Variants in CDC42EP3 observed in about 807,000 individuals in gnomAD.
CDC42EP3 encodes the protein CDC42 effector protein 3.
Under a neutral mutation model 15.5 loss-of-function variants are expected in CDC42EP3, and 4 were observed. The ratio of observed to expected loss-of-function variants is 0.26; its 90% CI spans 0.13 to 0.59. The LOEUF (loss-of-function observed/expected upper bound fraction) is 0.59. CDC42EP3 is among the 20% of genes least tolerant of loss of function. CDC42EP3 has a pLI of 0.89. For missense variants in CDC42EP3, 309 were observed against 311.2 expected (o/e 0.99, Z 0.05); for synonymous variants, 145 against 130.3 (o/e 1.11, Z -0.77).
At chr2:37,650,521 A>G (rs12474331) in intron 1 of CDC42EP3, among the ~76,000 whole-genome samples, 13,364 of 152,218 alleles carry the variant, frequency 0.088, 1,353 homozygotes, top group East Asian at 0.47. Context: ...AACCCTTGAC[A>G]TGGACTAGCT....
chr2:37,646,301 G>A lies in CDC42EP3; in HGVS notation c.287C>T (p.Thr96Ile). 1 of 1,614,202 alleles carries A rather than the reference G, an allele frequency of 6.2e-7. No individual in the cohort carries two copies. The highest frequency in any genetic ancestry group is 1.3e-5 in the African/African-American group (1 of 75,046). Reference protein sequence around the residue: ...RANSTSDSVFTETPSPVLKNA... With the variant: ...RANSTSDSVFIETPSPVLKNA... ...TTTGAGCACCGGGGAGGGCGTTTCT[G>A]TGAACACAGAGTCCGAGGTGCTGTT... The change falls in exon 2 of 2, where the codon ACA becomes ATA. Residue 96 changes from threonine (T) to isoleucine (I), a missense_variant. Physicochemically the swap from Thr to Ile is moderately conservative, Grantham distance 89. Coordinates refer to ENST00000295324, the MANE Select transcript of CDC42EP3 (RefSeq NM_006449.5).
intron 1 of CDC42EP3, among the ~76,000 whole-genome samples, chr2:37,664,308 T>C (rs1373026249): frequency 6.6e-6 from 1 of 152,226 alleles, no homozygotes. Flanking sequence ...CTTCAGTTTT[T>C]GGACCTGGAC....
Position 37,645,460 on chromosome 2 carries a change from G to C in CDC42EP3, c.*363C>G, listed in dbSNP as rs544131862. ...TTCCTCTTGCTCAGAAAATGTCGGAGTGCTATAAAGTTCCGTGAAGTTCCT... is the reference window on the plus strand; with the variant it reads ...TTCCTCTTGCTCAGAAAATGTCGGACTGCTATAAAGTTCCGTGAAGTTCCT... On this transcript the variant is annotated 3_prime_UTR_variant, in exon 2 of 2. Coordinates refer to ENST00000295324, the MANE Select transcript of CDC42EP3 (RefSeq NM_006449.5). 1.2e-5 allele frequency: 2 copies of C among 169,180 alleles called. No homozygotes were observed. Among genetic ancestry groups the C allele is most frequent in the East Asian group, 3.4e-4 (2 of 5,900 alleles). 10.5% of individuals were successfully genotyped at this position (169,180 alleles called of 1,614,324 possible). A position where few individuals can be genotyped will look rare whatever the true frequency, so the allele number is the denominator to read the frequency against.
chr2:37,653,589 T>C (rs1281064444), intron 1 of CDC42EP3, among the ~76,000 whole-genome samples: 1 of 152,098 alleles, frequency 6.6e-6, no homozygotes, highest in Admixed American at 6.6e-5. Context: ...TTTTAAAAAA[T>C]GACAGACAGA....
At chr2:37,658,879 G>C (rs72881315) in intron 1 of CDC42EP3, among the ~76,000 whole-genome samples, 1 of 152,188 alleles carries the variant, frequency 6.6e-6, no homozygotes, top group African/African-American at 2.4e-5. Context: ...CTACACCAGA[G>C]TGAGGTACCT....
intron 1 of CDC42EP3, among the ~76,000 whole-genome samples, chr2:37,650,172 C>T (rs12104720): frequency 1.3e-3 from 203 of 152,242 alleles, no homozygotes; most frequent in African/African-American, 4.7e-3. Flanking sequence ...TCTTCCTCCC[C>T]AGCTCAGGGG....
intron 1 of CDC42EP3, among the ~76,000 whole-genome samples, chr2:37,665,658 T>C (rs1666226961): frequency 6.6e-6 from 1 of 152,152 alleles, no homozygotes; most frequent in Non-Finnish European, 1.5e-5. Flanking sequence ...TGTCTACAAA[T>C]AGGACCTTCA....
At chr2:37,661,130 CGT>C (rs1302753814) in intron 1 of CDC42EP3, among the ~76,000 whole-genome samples, 2 of 125,856 alleles carry the variant, frequency 1.6e-5, no homozygotes, top group African/African-American at 3.1e-5. Flanking sequence ...TGTGTGTGTG[CGT>C]GTGTGTATAG....
chr2:37,672,792 G>A (rs766384344), upstream of CDC42EP3, among the ~76,000 whole-genome samples: 2 of 152,170 alleles, frequency 1.3e-5, no homozygotes, highest in Non-Finnish European at 2.9e-5. Context: ...CGGGTTGGAT[G>A]GAAATCCTGG....
intron 1 of CDC42EP3, among the ~76,000 whole-genome samples, chr2:37,661,067 TATGTATGC>T (rs954091395): frequency 1.3e-4 from 20 of 152,216 alleles, no homozygotes; most frequent in African/African-American, 4.6e-4. Flanking sequence ...GAGTAGTATG[TATGTATGC>T]ATATGTATGT....
chr2:37,661,707 C>T (rs901807983), intron 1 of CDC42EP3, among the ~76,000 whole-genome samples: 1 of 152,136 alleles, frequency 6.6e-6, no homozygotes, highest in African/African-American at 2.4e-5. Context: ...AAGTCATAGC[C>T]ATCTGACGGA....
In CDC42EP3 at chr2:37,657,446, A is replaced by G. The variant is rs1168942558; in HGVS notation, c.-235-10624T>C. Reference sequence around the variant, plus strand: ...CAGGTGGCTGGTGAGCTCAAAAAGAATAAAGTAAGCAAAAGGGCTATACAT... The same window carrying G: ...CAGGTGGCTGGTGAGCTCAAAAAGAGTAAAGTAAGCAAAAGGGCTATACAT... On this transcript the variant is annotated intron_variant, in intron 1 of 1. Transcript: ENST00000295324. Among the ~76,000 whole-genome samples, 3 of 152,342 alleles carry G rather than the reference A, an allele frequency of 2.0e-5. No individual in the cohort carries two copies. The East Asian group carries it at 5.8e-4, about 29-fold the overall frequency.
intron 1 of CDC42EP3, among the ~76,000 whole-genome samples, chr2:37,671,062 A>G (rs1666400385): frequency 1.3e-5 from 2 of 152,244 alleles, no homozygotes; most frequent in African/African-American, 4.8e-5. Flanking sequence ...GTACCAATCC[A>G]TGATGCGAGG....
intron 1 of CDC42EP3, among the ~76,000 whole-genome samples, chr2:37,654,987 A>G (rs1345601140): frequency 6.6e-6 from 1 of 152,256 alleles, no homozygotes; most frequent in African/African-American, 2.4e-5. Context: ...CAGTGTAACC[A>G]GAAGCACCCA....
intron 1 of CDC42EP3, among the ~76,000 whole-genome samples, chr2:37,668,576 A>G (rs773721141): frequency 6.6e-6 from 1 of 152,154 alleles, no homozygotes; most frequent in Non-Finnish European, 1.5e-5. Flanking sequence ...CCATCCCCTT[A>G]ACCCAAAGAG....
chr2:37,661,802 A>G (rs984962202), intron 1 of CDC42EP3, among the ~76,000 whole-genome samples: 1 of 152,188 alleles, frequency 6.6e-6, no homozygotes, highest in Non-Finnish European at 1.5e-5. Context: ...TAAATACGTG[A>G]TAAGTAGGGC....
chr2:37,658,492 C>T (rs1230130243), intron 1 of CDC42EP3, among the ~76,000 whole-genome samples: 1 of 152,134 alleles, frequency 6.6e-6, no homozygotes, highest in Non-Finnish European at 1.5e-5. Context: ...ATTGATTGGC[C>T]TTTCCCTTCC....
At position 37,664,219 on chromosome 2, in the gene CDC42EP3, C is replaced by G. The variant is rs184129089; in HGVS notation, c.-236+7207G>C. ...AAGCAGGCAGAGGAACGTGGAAGGA[C>G]TAGACTTTCTGAGTCTTCTGGCCTT... On this transcript the variant is annotated intron_variant, in intron 1 of 1. Transcript: ENST00000295324. 1.8e-3 allele frequency among the ~76,000 whole-genome samples: 268 copies of G among 152,260 alleles called. 1 individual carries two copies. Among genetic ancestry groups the G allele is most frequent in the Admixed American group, 2.7e-3 (42 of 15,294 alleles).
intron 1 of CDC42EP3, among the ~76,000 whole-genome samples, chr2:37,656,433 T>C (rs771830537): frequency 5.9e-5 from 9 of 152,348 alleles, no homozygotes; most frequent in South Asian, 2.1e-4. Flanking sequence ...GAGAGCCAGG[T>C]TGACTTGCTC....
Sources: gnomAD v4.1 joint callset for allele counts (sites outside exome capture counted in the v4.1 genomes callset) on GRCh38, gnomAD v4.1.1 for gene constraint, MANE v1.5 for transcripts, NCBI Gene and HGNC (gene_info 2026-07-23, HGNC 2026-07-21) for gene names.